The following QKI variants were observed in gnomAD, a reference collection of about 807,000 sequenced individuals.
QKI encodes the protein KH domain-containing RNA-binding protein QKI.
A neutral mutation model predicts 39.0 loss-of-function variants in QKI; 10 were observed. That is an observed-to-expected ratio of 0.26 (90% confidence interval 0.16 to 0.43). The LOEUF (loss-of-function observed/expected upper bound fraction) is 0.43, where lower values mean the gene tolerates loss of function less well. Ranked by LOEUF, QKI falls within the 20% of genes least tolerant of loss-of-function variation. The pLI is 1.00. For missense variants in QKI, 218 were observed against 428.0 expected, an observed-to-expected ratio of 0.51 and a Z score of 4.33; for synonymous variants, 204 against 155.4, an observed-to-expected ratio of 1.31 and a Z score of -2.33.
intron 2 of QKI, among the ~76,000 whole-genome samples, chr6:163,473,169 T>C (rs1447251448): frequency 1.3e-5 from 2 of 152,192 alleles, no homozygotes; most frequent in Non-Finnish European, 2.9e-5. Context: ...GTCAGGTAGT[T>C]CTACTTCTGG....
chr6:163,430,880 C>T (rs1382951889), intron 1 of QKI, among the ~76,000 whole-genome samples: 1 of 152,104 alleles, frequency 6.6e-6, no homozygotes, highest in East Asian at 1.9e-4. Flanking sequence ...TCCTGTAGTC[C>T]AGGAAGTTCT....
chr6:163,444,672 C>CACTT (rs1237287332), intron 1 of QKI, among the ~76,000 whole-genome samples: 25 of 152,080 alleles, frequency 1.6e-4, no homozygotes, highest in East Asian at 5.8e-4. Flanking sequence ...ATATATTAAG[C>CACTT]ACTTATATTT....
chr6:163,564,588 C>A, intron 6 of QKI: 1 of 1,603,900 alleles, frequency 6.2e-7, no homozygotes, highest in East Asian at 2.2e-5. Context: ...AAATTAAAAT[C>A]ATAATATAAA....
At chr6:163,560,232 A>G (rs1022560744) in intron 4 of QKI, among the ~76,000 whole-genome samples, 3 of 152,314 alleles carry the variant, frequency 2.0e-5, no homozygotes, top group Admixed American at 6.5e-5. Context: ...ACAGACTGTA[A>G]TTTGAAGTAG....
At chr6:163,530,272 A>G (rs1036947443) in intron 3 of QKI, among the ~76,000 whole-genome samples, 1 of 152,192 alleles carries the variant, frequency 6.6e-6, no homozygotes, top group African/African-American at 2.4e-5. Flanking sequence ...GTGCGTCCAT[A>G]TCATCATCCC....
In QKI at chr6:163,570,851, C is replaced by T; in HGVS notation, c.*141C>T. ...GGCACTTGTCCGTTCGTCTTACCAT[C>T]TAACCAAACAAAAGACAAAGAAATT... On this transcript the variant is annotated 3_prime_UTR_variant, in exon 8 of 8. Transcript: ENST00000361752. The T allele has an allele frequency of 1.9e-6, 2 of 1,078,304 alleles. No homozygotes were observed. The highest frequency in any genetic ancestry group is 1.8e-5 in the South Asian group (1 of 55,506). 66.8% of individuals were successfully genotyped at this position (1,078,304 alleles called of 1,614,324 possible).
chr6:163,515,706 G>A (rs1267977296), intron 3 of QKI, among the ~76,000 whole-genome samples: 2 of 152,032 alleles, frequency 1.3e-5, no homozygotes, highest in African/African-American at 4.8e-5. Flanking sequence ...TATGGCGATA[G>A]GTCATTCTAT....
chr6:163,455,255 A>G, intron 1 of QKI, 24 bp from the exon 2 acceptor site: 1 of 1,590,256 alleles, frequency 6.3e-7, no homozygotes, highest in Non-Finnish European at 8.6e-7. Flanking sequence ...TGTCTAACAC[A>G]TTTAAAATTT....
At chr6:163,501,488 C>CT (rs1166149565) in intron 3 of QKI, among the ~76,000 whole-genome samples, 4 of 152,170 alleles carry the variant, frequency 2.6e-5, no homozygotes, top group African/African-American at 9.7e-5. Flanking sequence ...ACTTGAAACT[C>CT]TAAAATGAAA....
In QKI at chr6:163,536,073, C is replaced by T. The variant is rs546376483; in HGVS notation, c.546+948C>T. Among the ~76,000 whole-genome samples, 112 of 152,220 alleles carry T rather than the reference C, an allele frequency of 7.4e-4. 1 individual carries two copies. Among genetic ancestry groups the T allele is most frequent in the African/African-American group, 4.6e-4 (19 of 41,550 alleles). On this transcript the variant is annotated intron_variant, in intron 4 of 7. Transcript: ENST00000361752. ...TTTATTACCCTGATAGTTTATTCAA[C>T]AAGTAAACTCACAAATCATAAACAT...
chr6:163,437,847 G>T (rs927956019), intron 1 of QKI, among the ~76,000 whole-genome samples: 4 of 151,906 alleles, frequency 2.6e-5, no homozygotes, highest in African/African-American at 9.7e-5. Flanking sequence ...TTCATTTGTG[G>T]TTAAACTAAT....
intron 3 of QKI, among the ~76,000 whole-genome samples, chr6:163,511,696 A>G (rs1219128683): frequency 6.6e-6 from 1 of 152,042 alleles, no homozygotes; most frequent in East Asian, 1.9e-4. Flanking sequence ...TGAATTTGCA[A>G]TTAAAAATTA....
At chr6:163,506,828 TCATA>T (rs1287610710) in intron 3 of QKI, among the ~76,000 whole-genome samples, 1 of 152,228 alleles carries the variant, frequency 6.6e-6, no homozygotes, top group African/African-American at 2.4e-5. Flanking sequence ...AATACTATTT[TCATA>T]CATAAGTACA....
intron 4 of QKI, 140 bp from the exon 5 acceptor site, chr6:163,561,842 G>A (rs952562244): frequency 3.8e-6 from 2 of 529,286 alleles, no homozygotes; most frequent in African/African-American, 1.9e-5. Context: ...AGCACCTTTT[G>A]GTTCTTGATC....
intron 2 of QKI, among the ~76,000 whole-genome samples, chr6:163,477,056 C>T (rs1340105270): frequency 6.9e-6 from 1 of 144,104 alleles, no homozygotes; most frequent in Non-Finnish European, 1.5e-5. Flanking sequence ...CGCTTTATTG[C>T]CCAGGCTGTA....
intron 3 of QKI, among the ~76,000 whole-genome samples, chr6:163,488,333 A>G (rs1416793098): frequency 1.3e-5 from 2 of 152,128 alleles, no homozygotes; most frequent in African/African-American, 4.8e-5. Flanking sequence ...AAGTGACAAA[A>G]AAAAAGAGAG....
intron 3 of QKI, among the ~76,000 whole-genome samples, chr6:163,528,627 CATTTTT>C (rs1322093043): frequency 1.3e-5 from 2 of 152,146 alleles, no homozygotes; most frequent in Admixed American, 1.3e-4. Context: ...TCATCATTTT[CATTTTT>C]AAGTTTGCTT....
intron 1 of QKI, among the ~76,000 whole-genome samples, chr6:163,446,903 C>G (rs576759687): frequency 6.6e-6 from 1 of 152,084 alleles, no homozygotes; most frequent in Non-Finnish European, 1.5e-5. Flanking sequence ...GAACCTAGAC[C>G]TGGAGTTCAT....
chr6:163,491,471 T>A (rs1252787014), intron 3 of QKI, among the ~76,000 whole-genome samples: 1 of 152,148 alleles, frequency 6.6e-6, no homozygotes, highest in Non-Finnish European at 1.5e-5. Flanking sequence ...CTCCCTCATT[T>A]TTTTTTATTT....
Sources: gnomAD v4.1 joint callset for allele counts (sites outside exome capture counted in the v4.1 genomes callset) on GRCh38, gnomAD v4.1.1 for gene constraint, MANE v1.5 for transcripts, NCBI Gene and HGNC (gene_info 2026-07-23, HGNC 2026-07-21) for gene names.